Variants in ATP2B2 observed in about 807,000 individuals in gnomAD.
ATP2B2 encodes the protein plasma membrane calcium-transporting ATPase 2.
ATP2B2 carries 15 observed loss-of-function variants against 120.0 expected under a neutral mutation model. The observed-to-expected ratio is 0.12, with a 90% CI of 0.08 to 0.19. The LOEUF is 0.19. ATP2B2 is among the 10% of genes least tolerant of loss of function. ATP2B2 has a pLI of 1.00. For synonymous variants in ATP2B2, 694 were observed against 700.3 expected (o/e 0.99, Z 0.14); for missense variants, 1,045 against 1,719.8 (o/e 0.61, Z 6.94).
intron 2 of ATP2B2, among the ~76,000 whole-genome samples, chr3:10,442,304 G>A (rs1438091481): frequency 7.9e-5 from 12 of 152,014 alleles, no homozygotes; most frequent in Admixed American, 4.6e-4. Flanking sequence ...AAGCAGCATC[G>A]CTCACGGGAC....
At chr3:10,515,729 T>G (rs2066864061) in intron 3 of ATP2B2, among the ~76,000 whole-genome samples, 1 of 152,200 alleles carries the variant, frequency 6.6e-6, no homozygotes. Flanking sequence ...GGCAAGTCAG[T>G]TCCCCCTTCT....
At chr3:10,501,458 C>T (rs2066391337) in intron 1 of ATP2B2, among the ~76,000 whole-genome samples, 1 of 150,928 alleles carries the variant, frequency 6.6e-6, no homozygotes, top group East Asian at 2.0e-4. Flanking sequence ...GCAGCCTTGA[C>T]CTCCCGGACT....
chr3:10,550,756 G>A (rs966180701), intron 2 of ATP2B2, among the ~76,000 whole-genome samples: 5 of 152,164 alleles, frequency 3.3e-5, no homozygotes, highest in African/African-American at 7.2e-5. Context: ...CCCGGTCTAT[G>A]GAACGAGTTG....
intron 1 of ATP2B2, among the ~76,000 whole-genome samples, chr3:10,685,698 T>C (rs991064865): frequency 1.3e-5 from 2 of 152,034 alleles, no homozygotes; most frequent in African/African-American, 4.8e-5. Context: ...CACCCTATGG[T>C]CTAGTGGTGG....
chr3:10,563,559 G>A (rs2067948712), intron 2 of ATP2B2, among the ~76,000 whole-genome samples: 1 of 152,246 alleles, frequency 6.6e-6, no homozygotes, highest in Non-Finnish European at 1.5e-5. Flanking sequence ...GGGTGGGGAA[G>A]CCCAGAGGCT....
At chr3:10,576,629 C>T (rs974470123) in intron 2 of ATP2B2, among the ~76,000 whole-genome samples, 2 of 152,052 alleles carry the variant, frequency 1.3e-5, no homozygotes, top group African/African-American at 4.8e-5. Context: ...ATCCTCCTGC[C>T]TCGGCCTCCC....
At chr3:10,494,494 T>C (rs2066062693) in intron 1 of ATP2B2, among the ~76,000 whole-genome samples, 1 of 152,200 alleles carries the variant, frequency 6.6e-6, no homozygotes, top group African/African-American at 2.4e-5. Context: ...ACCACTGCCC[T>C]GTGCCTTCTC....
intron 1 of ATP2B2, among the ~76,000 whole-genome samples, chr3:10,650,534 C>G (rs2070429232): frequency 6.6e-6 from 1 of 152,192 alleles, no homozygotes; most frequent in African/African-American, 2.4e-5. Flanking sequence ...AGGAGAAATT[C>G]AAGCCAGCGG....
At chr3:10,386,720 C>A (rs926649028) in intron 6 of ATP2B2, among the ~76,000 whole-genome samples, 1 of 152,190 alleles carries the variant, frequency 6.6e-6, no homozygotes, top group African/African-American at 2.4e-5. Context: ...CCAGCTGAGG[C>A]CATGCTGCTC....
At chr3:10,571,278 T>A (rs764818387) in intron 2 of ATP2B2, among the ~76,000 whole-genome samples, 2 of 152,198 alleles carry the variant, frequency 1.3e-5, no homozygotes, top group Non-Finnish European at 2.9e-5. Context: ...AAGGTCCTTG[T>A]ATGAGGCCAG....
chr3:10,417,570 C>T (rs929153627), intron 2 of ATP2B2, among the ~76,000 whole-genome samples: 1 of 152,248 alleles, frequency 6.6e-6, no homozygotes. Context: ...TTCTCAGGCC[C>T]TCTGAAGCTA....
At position 10,567,887 on chromosome 3, in the gene ATP2B2, T is replaced by C. The variant is rs1477262995; in HGVS notation, c.-414-33754A>G. Among the ~76,000 whole-genome samples the C allele has an allele frequency of 3.3e-5, 5 of 152,286 alleles. No individual in the cohort carries two copies. In the East Asian group the frequency reaches 9.7e-4, roughly 29 times the overall value. Reference sequence around the variant, plus strand: ...TTATTGGTTTCATGGTGAGGATTGATGAATGGTCAAACTGTACCGATAGGG... The same window carrying C: ...TTATTGGTTTCATGGTGAGGATTGACGAATGGTCAAACTGTACCGATAGGG... On this transcript the variant is annotated intron_variant, in intron 2 of 21. Coordinates refer to the ATP2B2 transcript ENST00000646379.
chr3:10,435,602 CCTATG>C (rs1209680321), intron 2 of ATP2B2, among the ~76,000 whole-genome samples: 1 of 152,138 alleles, frequency 6.6e-6, no homozygotes, highest in Non-Finnish European at 1.5e-5. Context: ...ACTTGGGCTG[CCTATG>C]TTCTTTTGGG....
rs756826443 is a variant in ATP2B2 at position 10,340,502 on chromosome 3, A to G, written c.3120T>C (p.Phe1040=). The G allele has an allele frequency of 1.2e-5, 20 of 1,614,178 alleles. No homozygotes were observed. Among genetic ancestry groups the G allele is most frequent in the Non-Finnish European group, 1.4e-5 (17 of 1,180,014 alleles). Reference sequence around the variant, plus strand: ...GTGGGGGCCTCACTACCTGGATGGCAAAGGTGCCCAGCACGATGGTGCAGA... The same window carrying G: ...GTGGGGGCCTCACTACCTGGATGGCGAAGGTGCCCAGCACGATGGTGCAGA... The part of the protein sequence containing the change: ...PIFCTIVLGT[F]AIQIVIVQFG... Residue 1040 remains phenylalanine, a synonymous_variant, in exon 20 of 23, where the codon TTT becomes TTC. Transcript: ENST00000360273. This position sits in a 1 kb window ranked among gnomAD's most constrained non-coding sequence, Gnocchi z 5.0.
chr3:10,445,509 C>T (rs969082739), intron 2 of ATP2B2, among the ~76,000 whole-genome samples: 1 of 152,188 alleles, frequency 6.6e-6, no homozygotes, highest in Non-Finnish European at 1.5e-5. Context: ...GCCTCACAGC[C>T]TCACAGGGGG....
At chr3:10,414,724 C>T (rs185581041) in intron 2 of ATP2B2, among the ~76,000 whole-genome samples, 187 of 152,256 alleles carry the variant, frequency 1.2e-3, no homozygotes, top group African/African-American at 4.3e-3. Context: ...TGGGACAGGG[C>T]GATGTGGCTG....
intron 3 of ATP2B2, among the ~76,000 whole-genome samples, chr3:10,512,496 AC>A (rs1559431566): frequency 7.2e-5 from 11 of 151,832 alleles, no homozygotes; most frequent in African/African-American, 2.2e-4. Context: ...ACACACACAC[AC>A]ACACACACAC....
At chr3:10,441,838 G>A (rs78624569) in intron 2 of ATP2B2, among the ~76,000 whole-genome samples, 1 of 152,188 alleles carries the variant, frequency 6.6e-6, no homozygotes, top group African/African-American at 2.4e-5. Context: ...TCTAGGAGGT[G>A]GGTGTTATTA....
At chr3:10,654,870 T>C (rs1207335994) in intron 1 of ATP2B2, among the ~76,000 whole-genome samples, 1 of 151,898 alleles carries the variant, frequency 6.6e-6, no homozygotes, top group Admixed American at 6.6e-5. Flanking sequence ...GCCCAAGAGA[T>C]TCTGCTGAAG....
Sources: allele counts gnomAD v4.1 joint callset (sites outside exome capture counted in the v4.1 genomes callset), GRCh38; gene constraint gnomAD v4.1.1; non-coding constraint Gnocchi (gnomAD v3.1); transcripts MANE v1.5; gene names NCBI Gene and HGNC (gene_info 2026-07-23, HGNC 2026-07-21).